Variants in TXNDC16 observed in about 807,000 individuals in gnomAD.
The protein encoded by TXNDC16 is thioredoxin domain containing 16, also known as thioredoxin domain-containing protein 16.
A neutral mutation model predicts 85.6 loss-of-function variants in TXNDC16; 74 were observed. The observed-to-expected ratio is 0.86, with a 90% CI of 0.72 to 1.05. TXNDC16 has a LOEUF of 1.05. Among genes scored for constraint, TXNDC16 ranks in the 50% least tolerant of loss-of-function variants. The pLI, the probability that TXNDC16 is intolerant of heterozygous loss-of-function variation, is 0.00. For synonymous variants in TXNDC16, 335 were observed against 326.5 expected (o/e 1.03, Z -0.28); for missense variants, 959 against 947.0 (o/e 1.01, Z -0.17).
intron 9 of TXNDC16, among the ~76,000 whole-genome samples, chr14:52,495,210 T>C (rs1327427233): frequency 3.9e-5 from 6 of 152,216 alleles, no homozygotes; most frequent in South Asian, 2.1e-4. Flanking sequence ...AACTGGAGGC[T>C]GAAGATTCTA....
Position 52,455,383 on chromosome 14 carries a change from C to T in TXNDC16, c.1783G>A (p.Ala595Thr). The T allele has an allele frequency of 6.2e-7, 1 of 1,613,992 alleles. No homozygotes were observed. The highest frequency in any genetic ancestry group is 8.5e-7 in the Non-Finnish European group (1 of 1,179,924). ...TEGKIESIPL[A>T]STHAQDIVQI... Reference sequence around the variant, plus strand: ...ACTATGTCTTGTGCATGTGTGCTAGCTAGTGGGATGCTCTCTATTTTGCCT... The same window carrying T: ...ACTATGTCTTGTGCATGTGTGCTAGTTAGTGGGATGCTCTCTATTTTGCCT... Residue 595 changes from alanine to threonine, a missense_variant, in exon 18 of 21, where the codon GCT (alanine) becomes ACT (threonine). Transcript: ENST00000281741.
chr14:52,539,564 A>T (rs1186364983), intron 4 of TXNDC16, among the ~76,000 whole-genome samples: 3 of 152,228 alleles, frequency 2.0e-5, no homozygotes, highest in Admixed American at 2.0e-4. Flanking sequence ...ATCTGGCTAC[A>T]TATGGAGAAG....
intron 6 of TXNDC16, among the ~76,000 whole-genome samples, chr14:52,522,799 C>T (rs188825183): frequency 6.6e-5 from 10 of 152,260 alleles, no homozygotes; most frequent in Admixed American, 2.6e-4. Context: ...GCCAGTCAGA[C>T]CCAGATTCTA....
chr14:52,473,528 AAAGT>A (rs2035954123), intron 14 of TXNDC16, among the ~76,000 whole-genome samples: 1 of 152,196 alleles, frequency 6.6e-6, no homozygotes, highest in African/African-American at 2.4e-5. Context: ...TAAAACCAGA[AAAGT>A]AATACTGATA....
chr14:52,469,342 G>A (rs1189752953), intron 16 of TXNDC16, among the ~76,000 whole-genome samples: 1 of 148,394 alleles, frequency 6.7e-6, no homozygotes, highest in African/African-American at 2.5e-5. Context: ...GCAAGATCTC[G>A]TCTCAAAAAA....
At chr14:52,516,744 C>T (rs11851660) in intron 7 of TXNDC16, among the ~76,000 whole-genome samples, 20,705 of 151,926 alleles carry the variant, frequency 0.14, 1,477 homozygotes, top group Non-Finnish European at 0.15. Flanking sequence ...TCCCATCCCC[C>T]ACATACTCTC....
At chr14:52,478,965 C>G (rs943558578) in intron 14 of TXNDC16, among the ~76,000 whole-genome samples, 3 of 152,064 alleles carry the variant, frequency 2.0e-5, no homozygotes, top group African/African-American at 7.2e-5. Context: ...GATAATCCAC[C>G]ATGATCAAGT....
chr14:52,447,965 C>G (rs1201133786), intron 18 of TXNDC16, among the ~76,000 whole-genome samples: 1 of 150,428 alleles, frequency 6.6e-6, no homozygotes, highest in Non-Finnish European at 1.5e-5. Context: ...AATTACTGAG[C>G]TTGAAGACAG....
intron 6 of TXNDC16, among the ~76,000 whole-genome samples, chr14:52,527,052 A>T (rs1319346935): frequency 6.6e-6 from 1 of 152,200 alleles, no homozygotes; most frequent in Non-Finnish European, 1.5e-5. Context: ...GCATCTTTTC[A>T]TCTGTATCCT....
intron 4 of TXNDC16, among the ~76,000 whole-genome samples, chr14:52,538,845 G>A (rs149160088): frequency 2.0e-5 from 3 of 152,238 alleles, no homozygotes; most frequent in Non-Finnish European, 4.4e-5. Flanking sequence ...GGGAAGCAAC[G>A]TTTGTTTAAA....
intron 2 of TXNDC16, among the ~76,000 whole-genome samples, chr14:52,544,005 C>T (rs1464215962): frequency 6.6e-6 from 1 of 151,854 alleles, no homozygotes; most frequent in Admixed American, 6.6e-5. Context: ...TATTTAATAC[C>T]ATTTAGATGG....
chr14:52,548,323 G>C (rs1449809203), intron 1 of TXNDC16, among the ~76,000 whole-genome samples: 1 of 152,210 alleles, frequency 6.6e-6, no homozygotes, highest in Non-Finnish European at 1.5e-5. Flanking sequence ...TTATTGGGTA[G>C]CAAGAGCAGG....
At chr14:52,465,637 GGCCACCTAGAT>G (rs1469208971) in intron 16 of TXNDC16, among the ~76,000 whole-genome samples, 1 of 149,592 alleles carries the variant, frequency 6.7e-6, no homozygotes, top group African/African-American at 2.5e-5. Context: ...CGACTCAAGA[GGCCACCTAGAT>G]GCAAAAGCAA....
intron 3 of TXNDC16, 87 bp downstream of exon 3, chr14:52,543,311 T>C (rs1041677292): frequency 2.9e-6 from 4 of 1,402,290 alleles, no homozygotes; most frequent in African/African-American, 1.5e-5. Flanking sequence ...ATATTATTAA[T>C]CTTAACAGAA....
chr14:52,469,654 A>T lies in TXNDC16; in HGVS notation c.1618+383T>A, dbSNP rs1053710466. The stretch of plus-strand genomic sequence containing the variant: ...GCTACTCAGGAGGCTGAGGCAGGAG[A>T]ATCACTTGAACCCAGGAGGCAGAGG... On this transcript the variant is annotated intron_variant, in intron 16 of 20. Coordinates refer to ENST00000281741, the MANE Select transcript of TXNDC16 (RefSeq NM_020784.3). Among the ~76,000 whole-genome samples the T allele has an allele frequency of 2.0e-5, 3 of 151,508 alleles. No homozygotes were observed. In the South Asian group the frequency reaches 6.3e-4, roughly 32 times the overall value.
At chr14:52,538,710 A>C (rs937955914) in intron 4 of TXNDC16, among the ~76,000 whole-genome samples, 8 of 152,198 alleles carry the variant, frequency 5.3e-5, no homozygotes, top group Non-Finnish European at 1.2e-4. Flanking sequence ...TAACTAACCA[A>C]AACTAAGGCT....
At chr14:52,455,258 C>T (rs1383587535) in intron 18 of TXNDC16, 66 bp downstream of exon 18, 3 of 1,577,406 alleles carry the variant, frequency 1.9e-6, no homozygotes, top group Non-Finnish European at 2.6e-6. Context: ...TGTGTATGAA[C>T]ATATACTACC....
At chr14:52,523,645 A>G (rs1185457752) in intron 6 of TXNDC16, among the ~76,000 whole-genome samples, 3 of 152,230 alleles carry the variant, frequency 2.0e-5, no homozygotes, top group African/African-American at 7.2e-5. Flanking sequence ...TAGATTAAAA[A>G]CAAACCAAAC....
intron 18 of TXNDC16, among the ~76,000 whole-genome samples, chr14:52,444,173 A>G (rs150907276): frequency 6.6e-6 from 1 of 152,296 alleles, no homozygotes; most frequent in East Asian, 1.9e-4. Flanking sequence ...GAGGTCATCA[A>G]ATGTGGTACT....
Sources: allele counts gnomAD v4.1 joint callset (sites outside exome capture counted in the v4.1 genomes callset), GRCh38; gene constraint gnomAD v4.1.1; transcripts MANE v1.5; gene names NCBI Gene and HGNC (gene_info 2026-07-23, HGNC 2026-07-21).